The following NECAB3 variants were observed in gnomAD, a reference collection of about 807,000 sequenced individuals.
NECAB3 encodes N-terminal EF-hand calcium-binding protein 3.
A neutral mutation model predicts 57.2 loss-of-function variants in NECAB3; 38 were observed. The observed-to-expected ratio is 0.66, with a 90% CI of 0.51 to 0.87. The LOEUF (loss-of-function observed/expected upper bound fraction) is 0.87. Among genes scored for constraint, NECAB3 ranks in the 40% least tolerant of loss-of-function variants. The pLI is 0.00. For synonymous variants in NECAB3, 223 were observed against 222.6 expected, an observed-to-expected ratio of 1.00 and a Z score of -0.02; for missense variants, 474 against 527.5, an observed-to-expected ratio of 0.90 and a Z score of 0.99.
chr20:33,663,801 C>T (rs756999476), intron 5 of NECAB3: 4 of 1,418,668 alleles, frequency 2.8e-6, no homozygotes, highest in Non-Finnish European at 3.6e-6. Context: ...GGAAGGCTCC[C>T]CGCGAAGCCG....
rs200071801 is a variant in NECAB3 at position 33,667,667 on chromosome 20, G to A, written c.387+1708C>T. The A allele has an allele frequency of 1.2e-5, 19 of 1,611,200 alleles. No homozygotes were observed. The highest frequency in any genetic ancestry group is 1.5e-5 in the Non-Finnish European group (18 of 1,179,554). On this transcript the variant is annotated intron_variant, in intron 5 of 11. Coordinates refer to ENST00000246190, the MANE Select transcript of NECAB3 (RefSeq NM_031232.4). ...GGCAGCACCCTGTCGCGCTACCTGC[G>A]GGATCTGCTGGTGGCGGCGAACCCT... is the stretch of plus-strand genomic sequence containing the variant.
At position 33,669,182 on chromosome 20, in the gene NECAB3, C is replaced by G. The variant is rs1470058530; in HGVS notation, c.387+193G>C. The stretch of plus-strand genomic sequence containing the variant: ...TCACAGTGATGTATGAAGGGCAGCT[C>G]TATTGTTATGATGGTTTACAGATGA... On this transcript the variant is annotated intron_variant, in intron 5 of 11. Coordinates refer to ENST00000246190, the MANE Select transcript of NECAB3 (RefSeq NM_031232.4). The G allele has an allele frequency of 8.4e-6, 5 of 597,200 alleles. No individual in the cohort carries two copies. The African/African-American group carries it at 9.3e-5, about 11-fold the overall frequency. The allele number at this position is 597,200 out of a possible 1,614,324, so 37.0% of individuals were successfully genotyped here.
At chr20:33,666,705 A>G (rs2017662526) in intron 5 of NECAB3, 1 of 152,386 alleles carries the variant, frequency 6.6e-6, no homozygotes, top group African/African-American at 2.4e-5. Flanking sequence ...AGCAAAGCAG[A>G]GGCGGGTCCT....
intron 5 of NECAB3, chr20:33,664,005 T>A: frequency 1.4e-6 from 1 of 715,872 alleles, no homozygotes; most frequent in Non-Finnish European, 2.1e-6. Flanking sequence ...CGGGGCGTGA[T>A]GAAGGCAGAG....
At chr20:33,672,220 G>T in intron 2 of NECAB3, 178 bp downstream of exon 2, 2 of 727,400 alleles carry the variant, frequency 2.7e-6, no homozygotes, top group Non-Finnish European at 4.7e-6. Context: ...TCTCCATCCT[G>T]CCAAACTTGG....
intron 5 of NECAB3, chr20:33,668,381 T>C: frequency 2.5e-6 from 3 of 1,182,962 alleles, no homozygotes; most frequent in Non-Finnish European, 3.4e-6. Flanking sequence ...CAGGAGAAGG[T>C]ATTTGGGACC....
At chr20:33,673,073 G>T (rs1352540154) in intron 1 of NECAB3, among the ~76,000 whole-genome samples, 1 of 152,202 alleles carries the variant, frequency 6.6e-6, no homozygotes, top group Non-Finnish European at 1.5e-5. Flanking sequence ...CCAAGGGGGA[G>T]TGGGGGTGGC....
At chr20:33,667,792 G>A in intron 5 of NECAB3, 1 of 1,612,352 alleles carries the variant, frequency 6.2e-7, no homozygotes. Context: ...CCGCGACCCC[G>A]CCCGCCACCA....
At chr20:33,669,649 G>A (rs1325325438) in intron 4 of NECAB3, 38 bp downstream of exon 4, 3 of 1,568,304 alleles carry the variant, frequency 1.9e-6, no homozygotes, top group South Asian at 1.2e-5. Flanking sequence ...TGGGGCCCAG[G>A]GGCCACAGGA....
chr20:33,658,174 A>C (rs2017345714), intron 10 of NECAB3, 141 bp from the exon 11 acceptor site: 3 of 751,200 alleles, frequency 4.0e-6, no homozygotes, highest in African/African-American at 3.5e-5. Context: ...GTGTGGGTGG[A>C]ATGAAGGGCA....
rs184363728 is a variant in NECAB3 at position 33,670,203 on chromosome 20, C to G, written c.263+481G>C. Reference sequence around the variant, plus strand: ...AGGTTCCAGCCCAAGTCTCAGGAGCCTGAGACTGACCCTCAGGAAAGGGGA... The same window carrying G: ...AGGTTCCAGCCCAAGTCTCAGGAGCGTGAGACTGACCCTCAGGAAAGGGGA... On this transcript the variant is annotated intron_variant, in intron 3 of 11. Transcript: ENST00000246190. The G allele has an allele frequency of 3.4e-5, 6 of 178,152 alleles. No homozygotes were observed. The East Asian group carries it at 1.0e-3, about 30-fold the overall frequency. The allele number at this position is 178,152 out of a possible 1,614,324, so 11.0% of individuals were successfully genotyped here.
chr20:33,663,505 C>A (rs2017547507), intron 5 of NECAB3: 15 of 1,597,566 alleles, frequency 9.4e-6, no homozygotes, highest in Non-Finnish European at 1.2e-5. Flanking sequence ...CGCGCTCTCC[C>A]GCCTCACGCC....
intron 8 of NECAB3, among the ~76,000 whole-genome samples, chr20:33,659,067 G>A (rs947334959): frequency 3.3e-5 from 5 of 152,180 alleles, no homozygotes; most frequent in Admixed American, 6.5e-5. Context: ...TGGAATTACA[G>A]GCATGAGCCA....
intron 1 of NECAB3, among the ~76,000 whole-genome samples, chr20:33,673,001 T>C (rs1417939476): frequency 6.6e-6 from 1 of 152,134 alleles, no homozygotes; most frequent in Non-Finnish European, 1.5e-5. Flanking sequence ...CTTTCAGGGC[T>C]GGGGCTTCCT....
intron 5 of NECAB3, among the ~76,000 whole-genome samples, chr20:33,661,424 C>G (rs925213600): frequency 6.6e-6 from 1 of 152,176 alleles, no homozygotes. Context: ...TGCCTCAGCT[C>G]AGCCATCGGA....
At chr20:33,663,774 G>C (rs1356380892) in intron 5 of NECAB3, 3 of 1,437,910 alleles carry the variant, frequency 2.1e-6, no homozygotes, top group Non-Finnish European at 2.7e-6. Flanking sequence ...GGCTGCTCTC[G>C]CGCTTCCGGT....
At position 33,657,624 on chromosome 20, in the gene NECAB3, A is replaced by T; in HGVS notation, c.*205T>A. The T allele has an allele frequency of 1.9e-6, 1 of 518,002 alleles. No homozygotes were observed. Among genetic ancestry groups the T allele is most frequent in the Non-Finnish European group, 3.2e-6 (1 of 309,808 alleles). 32.1% of individuals were successfully genotyped at this position (518,002 alleles called of 1,614,324 possible). A position where few individuals can be genotyped will look rare whatever the true frequency, so the allele number is the denominator to read the frequency against. On this transcript the variant is annotated 3_prime_UTR_variant, in exon 12 of 12. Transcript: ENST00000246190. Reference sequence around the variant, plus strand: ...CCAAAGTAGCTTGGAGGCTGAAGTGACAAACAATAAAATACAGGGATAAAT... The same window carrying T: ...CCAAAGTAGCTTGGAGGCTGAAGTGTCAAACAATAAAATACAGGGATAAAT...
rs199737910 is a variant in NECAB3, at chr20:33,659,957, G to T, written c.571C>A (p.Arg191=). The T allele has an allele frequency of 3.8e-6, 6 of 1,559,182 alleles. No individual in the cohort carries two copies. In the South Asian group the frequency reaches 7.0e-5, roughly 18 times the overall value. ...CTCAGGGCTCGGCGTCCTGCCCGCC[G>T]GCTGCCGCAGAGCCTGCTCTGCGCC... ...VEAQSRLCGS[R]RAGRRALRSV... Residue 191 remains arginine (R), a synonymous_variant, in exon 7 of 12, where the codon CGG becomes AGG. Transcript: ENST00000246190.
chr20:33,662,438 G>A (rs766909314), intron 5 of NECAB3: 1 of 1,551,834 alleles, frequency 6.4e-7, no homozygotes, highest in Non-Finnish European at 8.7e-7. Flanking sequence ...GGTGGAAATC[G>A]TTCCTCAACC....
Sources: gnomAD v4.1 joint callset for allele counts (sites outside exome capture counted in the v4.1 genomes callset) on GRCh38, gnomAD v4.1.1 for gene constraint, MANE v1.5 for transcripts, NCBI Gene and HGNC (gene_info 2026-07-23, HGNC 2026-07-21) for gene names.